The following NKAIN1 variants were observed in gnomAD, a reference collection of about 807,000 sequenced individuals.
NKAIN1 encodes the protein sodium/potassium transporting ATPase interacting 1.
A neutral mutation model predicts 31.6 loss-of-function variants in NKAIN1; 13 were observed. The observed-to-expected ratio is 0.41, with a 90% CI of 0.27 to 0.65. The LOEUF (loss-of-function observed/expected upper bound fraction) is 0.65, where lower values mean the gene tolerates loss of function less well. Among genes scored for constraint, NKAIN1 ranks in the 30% least tolerant of loss-of-function variants. The pLI is 0.30. For missense variants in NKAIN1, 193 were observed against 262.2 expected, an observed-to-expected ratio of 0.74 and a Z score of 1.82; for synonymous variants, 104 against 109.0, an observed-to-expected ratio of 0.95 and a Z score of 0.28.
At chr1:31,196,956 C>T (rs10798826) in intron 1 of NKAIN1, among the ~76,000 whole-genome samples, 105,177 of 151,894 alleles carry the variant, frequency 0.69, 37,150 homozygotes, top group Middle Eastern at 0.83. Context: ...GTGCCTGTTT[C>T]TTGGTTAACA....
At chr1:31,193,651 G>C (rs572302678) in intron 1 of NKAIN1, among the ~76,000 whole-genome samples, 40 of 152,074 alleles carry the variant, frequency 2.6e-4, no homozygotes, top group African/African-American at 8.4e-4. Context: ...AGCTGAGATC[G>C]TGCCCTTGCA....
chr1:31,224,379 G>A (rs1198215517), intron 1 of NKAIN1, among the ~76,000 whole-genome samples: 1 of 152,166 alleles, frequency 6.6e-6, no homozygotes, highest in African/African-American at 2.4e-5. Context: ...CAAATGCTGG[G>A]GCATGCAGCA....
Position 31,194,767 on chromosome 1 carries a change from CTTTTTTTT to C in NKAIN1, c.55-6588_55-6581del, listed in dbSNP as rs35385145. Among the ~76,000 whole-genome samples the C allele has an allele frequency of 4.6e-3, 455 of 99,444 alleles. 21 individuals are homozygous for C. In the East Asian group the frequency reaches 0.11, roughly 24 times the overall value. The allele number at this position is 99,444 out of a possible 152,430, so 65.2% of individuals were successfully genotyped here. A position where few individuals can be genotyped will look rare whatever the true frequency, so the allele number is the denominator to read the frequency against. On this transcript the variant is annotated intron_variant, in intron 1 of 6. Coordinates refer to ENST00000373736, the MANE Select transcript of NKAIN1 (RefSeq NM_024522.3). ...CTTCCTTCCTTTTCTCTCTCTCTCT[CTTTTTTTT>C]TTTTTTTTTTTTTTGAGACAGAGTC...
intron 1 of NKAIN1, among the ~76,000 whole-genome samples, chr1:31,215,105 T>C (rs987189476): frequency 6.6e-6 from 1 of 152,204 alleles, no homozygotes; most frequent in Admixed American, 6.5e-5. Flanking sequence ...CCCTGACTTA[T>C]TTAGCGGCAG....
intron 1 of NKAIN1, among the ~76,000 whole-genome samples, chr1:31,224,838 G>A (rs1645590325): frequency 6.6e-6 from 1 of 152,110 alleles, no homozygotes; most frequent in African/African-American, 2.4e-5. Context: ...TTGGAGGGTG[G>A]CCAGCTTTTC....
intron 1 of NKAIN1, among the ~76,000 whole-genome samples, chr1:31,230,622 G>A (rs962286631): frequency 2.0e-5 from 3 of 152,198 alleles, no homozygotes; most frequent in Non-Finnish European, 4.4e-5. Flanking sequence ...GGCCAGGGCA[G>A]GGAAAGCCAG....
chr1:31,190,284 C>G (rs1173464262), intron 1 of NKAIN1, among the ~76,000 whole-genome samples: 6 of 152,130 alleles, frequency 3.9e-5, no homozygotes, highest in African/African-American at 7.2e-5. Context: ...TGGTGCCAGG[C>G]CCAACCTTGG....
rs1557649959 is a variant in NKAIN1, at chr1:31,188,172, G to A, written c.70C>T (p.Arg24Trp). The change falls in exon 2 of 7, where the codon CGG becomes TGG. Residue 24 changes from arginine (R) to tryptophan (W), a missense_variant. Arg to Trp is a moderately radical substitution (Grantham distance 101). Transcript: ENST00000373736. ...TAGCCCAGGAAGTCAAAGATCTGCC[G>A]CTCCAGCGCAGCCACCTGTGGAAGA... ...CCLQLVAALE[R>W]QIFDFLGYQW... is the part of the protein sequence containing the mutation. 2.6e-6 allele frequency: 4 copies of A among 1,551,594 alleles called. No individual in the cohort carries two copies. Among genetic ancestry groups the A allele is most frequent in the East Asian group, 4.9e-5 (2 of 40,902 alleles).
intron 1 of NKAIN1, among the ~76,000 whole-genome samples, chr1:31,218,074 T>TCTTTCTTTCTTTCTTTCTTTCTTTC (rs1570472285): frequency 1.3e-5 from 2 of 148,380 alleles, no homozygotes; most frequent in African/African-American, 5.1e-5. Flanking sequence ...CTTTCTTTTT[T>TCTTTCTTTCTTTCTTTCTTTCTTTC]TTTTTTGAGA....
rs368660675 is a variant in NKAIN1, at chr1:31,200,110, C to T, written c.55-11923G>A. 5.3e-4 allele frequency among the ~76,000 whole-genome samples: 80 copies of T among 152,350 alleles called. 2 individuals carry two copies. In the South Asian group the frequency reaches 0.016, roughly 31 times the overall value. On this transcript the variant is annotated intron_variant, in intron 1 of 6. Coordinates refer to ENST00000373736, the MANE Select transcript of NKAIN1 (RefSeq NM_024522.3). ...ACACGCATTCACACACACGCACGCA[C>T]GCACACCCCTCTCTCCTGTCTTTCT...
At chr1:31,225,504 T>C (rs536208944) in intron 1 of NKAIN1, among the ~76,000 whole-genome samples, 210 of 152,074 alleles carry the variant, frequency 1.4e-3, no homozygotes, top group Middle Eastern at 3.4e-3. Flanking sequence ...AATTTTTGTA[T>C]TTTTAGTAGA....
At chr1:31,192,298 T>C (rs1269704619) in intron 1 of NKAIN1, among the ~76,000 whole-genome samples, 1 of 152,160 alleles carries the variant, frequency 6.6e-6, no homozygotes, top group Non-Finnish European at 1.5e-5. Flanking sequence ...CATTTATCCA[T>C]CCATCCCACA....
At chr1:31,214,489 C>T (rs962759918) in intron 1 of NKAIN1, among the ~76,000 whole-genome samples, 10 of 150,994 alleles carry the variant, frequency 6.6e-5, no homozygotes, top group South Asian at 2.1e-4. Flanking sequence ...AAACCAGAAA[C>T]GGATCTTGGC....
At chr1:31,223,325 G>A (rs1490734146) in intron 1 of NKAIN1, among the ~76,000 whole-genome samples, 2 of 141,024 alleles carry the variant, frequency 1.4e-5, no homozygotes, top group Non-Finnish European at 3.0e-5. Flanking sequence ...GCCATGAACT[G>A]AGATTGCTCC....
rs568555716 is a variant in NKAIN1 at position 31,226,213 on chromosome 1, C to G, written c.54+13281G>C. Among the ~76,000 whole-genome samples the G allele has an allele frequency of 1.1e-4, 16 of 152,284 alleles. No homozygotes were observed. In the South Asian group the frequency reaches 3.3e-3, roughly 32 times the overall value. On this transcript the variant is annotated intron_variant, in intron 1 of 6. Coordinates refer to ENST00000373736, the MANE Select transcript of NKAIN1 (RefSeq NM_024522.3). ...AACTTGCCCAGCATCCCGCGTTAAGCGCCAGGATTTGAACCCACTATGTGA... is the reference window on the plus strand; with the variant it reads ...AACTTGCCCAGCATCCCGCGTTAAGGGCCAGGATTTGAACCCACTATGTGA...
intron 1 of NKAIN1, among the ~76,000 whole-genome samples, chr1:31,230,401 C>T (rs1245641166): frequency 1.3e-5 from 2 of 152,216 alleles, no homozygotes; most frequent in African/African-American, 4.8e-5. Flanking sequence ...CCCCAAAGCC[C>T]GGGTTCTTCC....
rs1010701389 is a variant in NKAIN1, at chr1:31,201,764, C to G, written c.55-13577G>C. 3.3e-5 allele frequency among the ~76,000 whole-genome samples: 5 copies of G among 152,196 alleles called. No individual in the cohort carries two copies. In the South Asian group the frequency reaches 1.0e-3, roughly 31 times the overall value. On this transcript the variant is annotated intron_variant, in intron 1 of 6. Coordinates refer to ENST00000373736, the MANE Select transcript of NKAIN1 (RefSeq NM_024522.3). ...GACTCCAACCAGTCTGGGGCCAAACCCTTGCTCTTTTCCACCACTTCTTAC... is the reference window on the plus strand; with the variant it reads ...GACTCCAACCAGTCTGGGGCCAAACGCTTGCTCTTTTCCACCACTTCTTAC...
intron 1 of NKAIN1, among the ~76,000 whole-genome samples, chr1:31,206,869 G>A (rs1479366079): frequency 1.3e-5 from 2 of 152,130 alleles, no homozygotes; most frequent in Non-Finnish European, 2.9e-5. Context: ...GAGTAGCTGG[G>A]ACTATAGGCA....
chr1:31,186,954 G>A (rs1645248863), intron 2 of NKAIN1, among the ~76,000 whole-genome samples: 1 of 152,162 alleles, frequency 6.6e-6, no homozygotes, highest in Non-Finnish European at 1.5e-5. Flanking sequence ...GGTTAGGGTC[G>A]ATTTGAGACC....
Sources: gnomAD v4.1 joint callset for allele counts (sites outside exome capture counted in the v4.1 genomes callset) on GRCh38, gnomAD v4.1.1 for gene constraint, MANE v1.5 for transcripts, NCBI Gene and HGNC (gene_info 2026-07-23, HGNC 2026-07-21) for gene names.